Variants in TIAM1 observed in about 807,000 individuals in gnomAD.
The protein encoded by TIAM1 is rho guanine nucleotide exchange factor TIAM1.
A neutral mutation model predicts 163.5 loss-of-function variants in TIAM1; 65 were observed. The observed-to-expected ratio is 0.40, with a 90% CI of 0.33 to 0.49. The LOEUF (loss-of-function observed/expected upper bound fraction) is 0.49, where lower values mean the gene tolerates loss of function less well. Ranked by LOEUF, TIAM1 falls within the 20% of genes least tolerant of loss-of-function variation. The probability of loss-of-function intolerance (pLI) is 0.77; values close to 1 mark genes in which losing one functional copy is unlikely to be tolerated. For synonymous variants in TIAM1, 833 were observed against 810.1 expected (o/e 1.03, Z -0.48); for missense variants, 1,789 against 2,044.7 (o/e 0.87, Z 2.41).
intron 10 of TIAM1, among the ~76,000 whole-genome samples, chr21:31,211,043 A>G (rs2086862926): frequency 6.6e-6 from 1 of 152,044 alleles, no homozygotes; most frequent in Admixed American, 6.6e-5. Flanking sequence ...GACCTTCAGC[A>G]CGACCCGGCG....
intron 1 of TIAM1, among the ~76,000 whole-genome samples, chr21:31,505,266 T>C (rs1004089522): frequency 3.9e-5 from 6 of 152,184 alleles, no homozygotes; most frequent in Admixed American, 1.3e-4. Flanking sequence ...TTCAATGATA[T>C]AACTCATGCA....
In TIAM1 at chr21:31,311,172, G is replaced by GTT. The variant is rs34323103; in HGVS notation, c.-189+28069_-189+28070dup. Among the ~76,000 whole-genome samples the GTT allele has an allele frequency of 1.2e-3, 182 of 147,136 alleles. No individual in the cohort carries two copies. In the Middle Eastern group the frequency reaches 0.014, roughly 11 times the overall value. On this transcript the variant is annotated intron_variant, in intron 2 of 27. Transcript: ENST00000541036. ...AATGGTTTTTTTGTTTGTTTGTTTT[G>GTT]TTTTTTTTTTTGTCAAATTTGGAGG...
rs114973613 is a variant in TIAM1 at position 31,262,760 on chromosome 21, C to A, written c.963+3250G>T. ...TATTTCAGATAAAATGTGTTTTCTT[C>A]CAGGCTTAGAGGTCATGCTCTTGGG... On this transcript the variant is annotated intron_variant, in intron 4 of 27. Coordinates refer to ENST00000541036, the MANE Select transcript of TIAM1 (RefSeq NM_001353694.2). Among the ~76,000 whole-genome samples, 454 of 152,196 alleles carry A rather than the reference C, an allele frequency of 3.0e-3. 7 individuals are homozygous for A. Among genetic ancestry groups the A allele is most frequent in the African/African-American group, 0.01 (422 of 41,534 alleles).
At chr21:31,314,906 G>A (rs2075053553) in intron 2 of TIAM1, among the ~76,000 whole-genome samples, 1 of 152,136 alleles carries the variant, frequency 6.6e-6, no homozygotes, top group South Asian at 2.1e-4. Flanking sequence ...TAAAAATTAT[G>A]TGCAGGGACG....
At chr21:31,415,654 T>C (rs1483129330) in intron 2 of TIAM1, among the ~76,000 whole-genome samples, 2 of 152,244 alleles carry the variant, frequency 1.3e-5, no homozygotes, top group Admixed American at 1.3e-4. Context: ...AGGATTGTTG[T>C]GGCCTCTTCT....
At chr21:31,438,835 G>A (rs958086868) in intron 2 of TIAM1, among the ~76,000 whole-genome samples, 2 of 152,178 alleles carry the variant, frequency 1.3e-5, no homozygotes, top group East Asian at 1.9e-4. Context: ...CCACTGGGAT[G>A]CCAGTAGCAA....
chr21:31,210,009 C>T, intron 11 of TIAM1, 36 bp downstream of exon 11: 1 of 1,595,456 alleles, frequency 6.3e-7, no homozygotes, highest in Non-Finnish European at 8.5e-7. Flanking sequence ...CCCCATTCTG[C>T]TCTTCTTGGA....
intron 2 of TIAM1, among the ~76,000 whole-genome samples, chr21:31,308,323 T>C (rs1257360524): frequency 6.6e-6 from 1 of 152,106 alleles, no homozygotes; most frequent in Non-Finnish European, 1.5e-5. Context: ...CTCCGTCTCA[T>C]TTCCTCGTTT....
At chr21:31,163,320 C>T (rs1452400525) in intron 16 of TIAM1, among the ~76,000 whole-genome samples, 2 of 152,224 alleles carry the variant, frequency 1.3e-5, no homozygotes, top group Admixed American at 6.5e-5. Flanking sequence ...AACTGACCGA[C>T]CCCACAAAAG....
intron 1 of TIAM1, among the ~76,000 whole-genome samples, chr21:31,525,022 A>ATTTT (rs2047731212): frequency 2.6e-5 from 4 of 152,022 alleles, no homozygotes; most frequent in Admixed American, 1.3e-4. Context: ...GTGGAAGGAA[A>ATTTT]AGGGGGAGCG....
chr21:31,314,867 A>G (rs1325990425), intron 2 of TIAM1, among the ~76,000 whole-genome samples: 1 of 152,172 alleles, frequency 6.6e-6, no homozygotes, highest in East Asian at 1.9e-4. Context: ...AGGACTTTCA[A>G]AGGTATCTGA....
At chr21:31,128,808 A>C (rs1307197838) in intron 25 of TIAM1, among the ~76,000 whole-genome samples, 1 of 152,222 alleles carries the variant, frequency 6.6e-6, no homozygotes, top group Non-Finnish European at 1.5e-5. Context: ...TCCTACTGTA[A>C]GGCAGAAAAA....
At chr21:31,233,782 C>A (rs1278259134) in intron 6 of TIAM1, among the ~76,000 whole-genome samples, 8 of 152,188 alleles carry the variant, frequency 5.3e-5, no homozygotes, top group Non-Finnish European at 1.0e-4. Flanking sequence ...CTCACCCTCA[C>A]CCACGCCGGG....
At chr21:31,359,108 C>A (rs1257719855) in intron 2 of TIAM1, among the ~76,000 whole-genome samples, 4 of 152,020 alleles carry the variant, frequency 2.6e-5, no homozygotes, top group Non-Finnish European at 5.9e-5. Flanking sequence ...ATCACTATAC[C>A]CTAATCTACC....
At chr21:31,362,174 A>G (rs2147137620) in intron 2 of TIAM1, among the ~76,000 whole-genome samples, 1 of 152,062 alleles carries the variant, frequency 6.6e-6, no homozygotes, top group South Asian at 2.1e-4. Context: ...TAAAAAAAAA[A>G]AGATATACTC....
chr21:31,228,242 A>AGGAG lies in TIAM1; in HGVS notation c.1585-2293_1585-2292insCTCC, dbSNP rs1569068886. On this transcript the variant is annotated intron_variant, in intron 6 of 27. Transcript: ENST00000541036. ...TTTTAAAAAAAAAAAAAAAAAAAAA[A>AGGAG]AAAAAAAAAAAAAAAAAGGAAGGAA... Among the ~76,000 whole-genome samples, 40 of 50,720 alleles carry AGGAG rather than the reference A, an allele frequency of 7.9e-4. 1 individual carries two copies. The highest frequency in any genetic ancestry group is 0.013 in the Middle Eastern group (1 of 76). The allele number at this position is 50,720 out of a possible 152,430, so 33.3% of individuals were successfully genotyped here. A position where few individuals can be genotyped will look rare whatever the true frequency, so the allele number is the denominator to read the frequency against.
intron 2 of TIAM1, among the ~76,000 whole-genome samples, chr21:31,459,500 C>T (rs139161772): frequency 6.6e-6 from 1 of 152,228 alleles, no homozygotes; most frequent in African/African-American, 2.4e-5. Flanking sequence ...TAAAGATATT[C>T]CAAAGAAGAA....
At chr21:31,509,715 C>G (rs150339962) in intron 1 of TIAM1, among the ~76,000 whole-genome samples, 1 of 152,260 alleles carries the variant, frequency 6.6e-6, no homozygotes, top group East Asian at 1.9e-4. Context: ...GAGATCATCT[C>G]TAAAAGGGAT....
At chr21:31,125,266 T>A (rs1786544764) in intron 26 of TIAM1, among the ~76,000 whole-genome samples, 1 of 152,088 alleles carries the variant, frequency 6.6e-6, no homozygotes, top group African/African-American at 2.4e-5. Context: ...TTATTTTTCT[T>A]ATTATATTCC....
Sources: allele counts gnomAD v4.1 joint callset (sites outside exome capture counted in the v4.1 genomes callset), GRCh38; gene constraint gnomAD v4.1.1; transcripts MANE v1.5; gene names NCBI Gene and HGNC (gene_info 2026-07-23, HGNC 2026-07-21).